Variants in TSPEAR observed in about 807,000 individuals in gnomAD.
The protein encoded by TSPEAR is thrombospondin-type laminin G domain and EAR repeat-containing protein.
In TSPEAR, 69 loss-of-function variants were observed where a neutral mutation model predicts 71.6. That is an observed-to-expected ratio of 0.96 (90% CI 0.79 to 1.18). TSPEAR has a LOEUF of 1.18. Ranked by LOEUF, TSPEAR falls within the 50% of genes most tolerant of loss-of-function variation. The pLI is 0.00. For synonymous variants in TSPEAR, 402 were observed against 387.2 expected, an observed-to-expected ratio of 1.04 and a Z score of -0.45; for missense variants, 971 against 894.9, an observed-to-expected ratio of 1.09 and a Z score of -1.09.
intron 1 of TSPEAR, among the ~76,000 whole-genome samples, chr21:44,663,795 G>A (rs1365974400): frequency 6.6e-6 from 1 of 152,188 alleles, no homozygotes; most frequent in Non-Finnish European, 1.5e-5. Flanking sequence ...TCCCAAGAAT[G>A]CAAGGTTGGT....
intron 9 of TSPEAR, chr21:44,517,813 C>T (rs192584518): frequency 1.8e-4 from 84 of 471,240 alleles, no homozygotes; most frequent in African/African-American, 1.6e-3. Flanking sequence ...CCCAGGCTGC[C>T]GCGGCTCCTG....
chr21:44,646,581 C>T (rs947512700), intron 1 of TSPEAR: 2 of 1,612,366 alleles, frequency 1.2e-6, no homozygotes, highest in Non-Finnish European at 1.7e-6. Context: ...CCCCGGCCCC[C>T]TCCCTGAGCC....
In TSPEAR at chr21:44,531,094, T is replaced by A. The variant is rs781985435; in HGVS notation, c.582A>T (p.Lys194Asn). The A allele has an allele frequency of 1.2e-5, 20 of 1,613,692 alleles. No homozygotes were observed. The highest frequency in any genetic ancestry group is 1.5e-5 in the Non-Finnish European group (18 of 1,179,986). Residue 194 changes from lysine to asparagine, a missense_variant, in exon 4 of 12, where the codon AAA (lysine) becomes AAT (asparagine). Transcript: ENST00000323084. ...GGCTGCCGACGAAGAATCGAGCTCC[T>A]TTCACTGACAGGGTGGCTGGGAAGG... ...DVPFPATLSVKGARFFVGSRR... is the reference protein window; with the variant it reads ...DVPFPATLSVNGARFFVGSRR...
At chr21:44,551,538 G>C in intron 2 of TSPEAR, 1 of 1,530,758 alleles carries the variant, frequency 6.5e-7, no homozygotes, top group Non-Finnish European at 8.8e-7. Context: ...GAGTGTGTGT[G>C]TGAGCCTGTT....
chr21:44,532,901 C>G (rs1555915904), intron 3 of TSPEAR, among the ~76,000 whole-genome samples: 2 of 152,234 alleles, frequency 1.3e-5, no homozygotes. Flanking sequence ...AACATCTGCT[C>G]CCTCGTCCAC....
At position 44,499,950 on chromosome 21, in the gene TSPEAR, A is replaced by G. The variant is rs2051995999; in HGVS notation, c.1857-14T>C. ...TAGCCCTGCCACCTGCGGAACAGACAGCGGCAGCCGGGTCAGCCTGGGCTC... is the reference window on the plus strand; with the variant it reads ...TAGCCCTGCCACCTGCGGAACAGACGGCGGCAGCCGGGTCAGCCTGGGCTC... On this transcript the variant is annotated splice_polypyrimidine_tract_variant and intron_variant, in intron 11 of 11. Coordinates refer to ENST00000323084, the MANE Select transcript of TSPEAR (RefSeq NM_144991.3). 2.5e-6 allele frequency: 4 copies of G among 1,596,558 alleles called. No individual in the cohort carries two copies. The East Asian group carries it at 6.9e-5, about 27-fold the overall frequency.
At chr21:44,688,931 C>T (rs1485232571) in intron 1 of TSPEAR, among the ~76,000 whole-genome samples, 1 of 152,136 alleles carries the variant, frequency 6.6e-6, no homozygotes, top group African/African-American at 2.4e-5. Flanking sequence ...GCACAGTTCT[C>T]TCATGCTGGC....
Position 44,528,581 on chromosome 21 carries a change from T to G in TSPEAR, c.793A>C (p.Thr265Pro). Reference protein sequence around the residue: ...DNEVLKYPYETNIRVTLGPQP... With the variant: ...DNEVLKYPYEPNIRVTLGPQP... ...GGTCCCAGCGTCACTCGAATGTTGG[T>G]TTCTGAGGGGAAGACCAGGAAGATG... The change falls in exon 6 of 12, where the codon ACC becomes CCC. Residue 265 changes from threonine to proline, a missense_variant and splice_region_variant. Physicochemically the swap from Thr to Pro is conservative, Grantham distance 38 (BLOSUM62 -1). Transcript: ENST00000323084. 6.2e-7 allele frequency: 1 copy of G among 1,613,606 alleles called. No homozygotes were observed. The highest frequency in any genetic ancestry group is 8.5e-7 in the Non-Finnish European group (1 of 1,179,808).
intron 1 of TSPEAR, among the ~76,000 whole-genome samples, chr21:44,616,948 G>A (rs1171660530): frequency 2.0e-5 from 3 of 152,178 alleles, no homozygotes; most frequent in South Asian, 2.1e-4. Context: ...AGGAACACGT[G>A]CCACAGCCTA....
chr21:44,615,542 A>T (rs1396823918), intron 1 of TSPEAR, among the ~76,000 whole-genome samples: 2 of 118,410 alleles, frequency 1.7e-5, no homozygotes, highest in African/African-American at 3.2e-5. Flanking sequence ...TAATTCCATA[A>T]CCAAAGGTTT....
Position 44,652,670 on chromosome 21 carries a change from G to C in TSPEAR, c.82+58763C>G, listed in dbSNP as rs587632160. Among the ~76,000 whole-genome samples the C allele has an allele frequency of 1.8e-4, 28 of 152,276 alleles. No individual in the cohort carries two copies. The East Asian group carries it at 5.4e-3, about 29-fold the overall frequency. On this transcript the variant is annotated intron_variant, in intron 1 of 11. Coordinates refer to ENST00000323084, the MANE Select transcript of TSPEAR (RefSeq NM_144991.3). ...TTGCAAGTATCTTTCTAGAAGTAAG[G>C]GGTTAGCTAAAGGAGATTGAACACT... is the stretch of plus-strand genomic sequence containing the variant.
At chr21:44,514,692 G>A (rs587668240) in intron 9 of TSPEAR, among the ~76,000 whole-genome samples, 1 of 152,304 alleles carries the variant, frequency 6.6e-6, no homozygotes, top group African/African-American at 2.4e-5. Flanking sequence ...GACTTCTAGG[G>A]ACAGAGCTCA....
chr21:44,574,048 T>G, intron 1 of TSPEAR: 1 of 1,597,954 alleles, frequency 6.3e-7, no homozygotes, highest in Non-Finnish European at 8.5e-7. Context: ...AGCTGCCAGC[T>G]GGCTTGCTGT....
chr21:44,656,831 T>C (rs1985177829), intron 1 of TSPEAR, among the ~76,000 whole-genome samples: 1 of 152,298 alleles, frequency 6.6e-6, no homozygotes, highest in South Asian at 2.1e-4. Flanking sequence ...TACTGTCTCA[T>C]ATGTCTTTTC....
chr21:44,678,869 T>C (rs1235622480), intron 1 of TSPEAR, among the ~76,000 whole-genome samples: 1 of 152,190 alleles, frequency 6.6e-6, no homozygotes, highest in Non-Finnish European at 1.5e-5. Context: ...AGGCAATCCA[T>C]GAAGGCTAAA....
intron 1 of TSPEAR, chr21:44,682,136 C>T (rs1986633223): frequency 6.2e-7 from 1 of 1,612,326 alleles, no homozygotes; most frequent in Admixed American, 1.7e-5. Flanking sequence ...TGGCGTGTGG[C>T]TGGATAAGGT....
At chr21:44,671,272 C>T (rs187132809) in intron 1 of TSPEAR, among the ~76,000 whole-genome samples, 74 of 152,366 alleles carry the variant, frequency 4.9e-4, no homozygotes, top group African/African-American at 1.7e-3. Context: ...GGCTGTCCCA[C>T]CATTGCTACT....
In TSPEAR at chr21:44,506,376, G is replaced by A. The variant is rs587718857; in HGVS notation, c.1755-1495C>T. ...CGTCCTGCTGACATGCAGGCCAGGC[G>A]GGTGCCTCTGTATTCAGCAGCCTCA... On this transcript the variant is annotated intron_variant, in intron 10 of 11. Coordinates refer to ENST00000323084, the MANE Select transcript of TSPEAR (RefSeq NM_144991.3). This position sits in a 1 kb window ranked among gnomAD's most constrained non-coding sequence, Gnocchi z 4.2. Among the ~76,000 whole-genome samples, 2 of 152,378 alleles carry A rather than the reference G, an allele frequency of 1.3e-5. No homozygotes were observed. The highest frequency in any genetic ancestry group is 1.3e-4 in the Admixed American group (2 of 15,310).
chr21:44,655,409 G>A (rs1336585687), intron 1 of TSPEAR, among the ~76,000 whole-genome samples: 5 of 152,172 alleles, frequency 3.3e-5, no homozygotes, highest in African/African-American at 4.8e-5. Flanking sequence ...CAGCCACGTT[G>A]GCGTCTGCAG....
Sources: gnomAD v4.1 joint callset for allele counts (sites outside exome capture counted in the v4.1 genomes callset) on GRCh38, gnomAD v4.1.1 for gene constraint, Gnocchi (gnomAD v3.1) non-coding constraint, MANE v1.5 for transcripts, NCBI Gene and HGNC (gene_info 2026-07-23, HGNC 2026-07-21) for gene names.